The following SYTL3 variants were observed in gnomAD, a reference collection of about 807,000 sequenced individuals.
SYTL3 encodes synaptotagmin-like protein 3.
Under a neutral mutation model 82.1 loss-of-function variants are expected in SYTL3, and 88 were observed. The ratio of observed to expected loss-of-function variants is 1.07; its 90% CI spans 0.90 to 1.28. SYTL3 has a LOEUF of 1.28. Among genes scored for constraint, SYTL3 ranks in the 50% most tolerant of loss-of-function variants. SYTL3 has a pLI of 0.00. For synonymous variants in SYTL3, 311 were observed against 289.4 expected, an observed-to-expected ratio of 1.07 and a Z score of -0.76; for missense variants, 831 against 757.6, an observed-to-expected ratio of 1.10 and a Z score of -1.14.
At position 158,762,200 on chromosome 6, in the gene SYTL3, ATATT is replaced by A. The variant is rs1790068980; in HGVS notation, c.1517+27_1517+30del. On this transcript the variant is annotated intron_variant, in intron 16 of 17. Coordinates refer to ENST00000611299, the MANE Select transcript of SYTL3 (RefSeq NM_001242394.2). ...AGGGGTAGGTATTCGATGTAATCAA[ATATT>A]TATTGGTGATCTAGTATACATCACA... The A allele has an allele frequency of 3.2e-6, 5 of 1,556,578 alleles. No homozygotes were observed. In the Admixed American group the frequency reaches 8.4e-5, roughly 26 times the overall value.
intron 11 of SYTL3, among the ~76,000 whole-genome samples, chr6:158,743,661 G>A (rs988823913): frequency 1.4e-5 from 2 of 141,240 alleles, no homozygotes; most frequent in African/African-American, 5.4e-5. Flanking sequence ...GGCCAGGCTG[G>A]TCTCAAACTC....
chr6:158,745,664 T>C lies in SYTL3; in HGVS notation c.1034+6T>C. 3 of 1,581,244 alleles carry C rather than the reference T, an allele frequency of 1.9e-6. No individual in the cohort carries two copies. The highest frequency in any genetic ancestry group is 2.6e-6 in the Non-Finnish European group (3 of 1,167,648). On this transcript the variant is annotated splice_donor_region_variant and intron_variant, in intron 12 of 17. Coordinates refer to ENST00000611299, the MANE Select transcript of SYTL3 (RefSeq NM_001242394.2). ...AAGAAGAAAAAGTGCAATCCGTAAG[T>C]TGTTTTTTTTAAGTTTAACATGAGA...
At chr6:158,734,784 G>A (rs931223388) in intron 11 of SYTL3, among the ~76,000 whole-genome samples, 18 of 152,062 alleles carry the variant, frequency 1.2e-4, no homozygotes, top group Non-Finnish European at 1.9e-4. Context: ...ACACTTAAAT[G>A]GCCTCAATAA....
chr6:158,700,072 A>G (rs6929876), intron 6 of SYTL3, among the ~76,000 whole-genome samples: 412 of 152,082 alleles, frequency 2.7e-3, no homozygotes, highest in African/African-American at 9.3e-3. Flanking sequence ...CCTGACCAAC[A>G]TGGAGAAACC....
chr6:158,683,439 T>G (rs1277467499), intron 6 of SYTL3, among the ~76,000 whole-genome samples: 1 of 152,102 alleles, frequency 6.6e-6, no homozygotes, highest in Non-Finnish European at 1.5e-5. Flanking sequence ...CAGGATGGTC[T>G]CGATCTCCTG....
chr6:158,763,313 T>G lies in SYTL3; in HGVS notation c.1527T>G (p.Thr509=). The G allele has an allele frequency of 6.2e-7, 1 of 1,614,174 alleles. No homozygotes were observed. Residue 509 remains threonine (T), a synonymous_variant, in exon 17 of 18, where the codon ACT becomes ACG. Coordinates refer to ENST00000611299, the MANE Select transcript of SYTL3 (RefSeq NM_001242394.2). ...TLNSFVKGCL[T]LPDQQKLRLK... ...TGTGTTCCCTCTTCAGCTGTCTCACTCTGCCAGACCAACAAAAACTGAGAC... is the reference window on the plus strand; with the variant it reads ...TGTGTTCCCTCTTCAGCTGTCTCACGCTGCCAGACCAACAAAAACTGAGAC...
intron 10 of SYTL3, among the ~76,000 whole-genome samples, chr6:158,723,023 C>T (rs1784307077): frequency 6.6e-6 from 1 of 151,366 alleles, no homozygotes; most frequent in Admixed American, 6.6e-5. Context: ...GCCTCGGCTT[C>T]CCAAAGTGCC....
At chr6:158,654,998 G>T (rs575558470) in intron 2 of SYTL3, among the ~76,000 whole-genome samples, 2 of 152,140 alleles carry the variant, frequency 1.3e-5, no homozygotes, top group Non-Finnish European at 2.9e-5. Flanking sequence ...TCTAAGCTCC[G>T]AGCAGGTGAG....
At chr6:158,717,938 A>G (rs1229646746) in intron 9 of SYTL3, 149 bp from the exon 10 acceptor site, 1 of 575,696 alleles carries the variant, frequency 1.7e-6, no homozygotes, top group East Asian at 3.4e-5. Context: ...TTGGTGGGGG[A>G]ATGTGCCGCC....
At chr6:158,760,506 C>A (rs1022335797) in intron 14 of SYTL3, 134 bp from the exon 15 acceptor site, 7 of 698,238 alleles carry the variant, frequency 1.0e-5, no homozygotes, top group Non-Finnish European at 1.8e-5. Context: ...CTGCCACGGA[C>A]ACACCTGCTC....
intron 5 of SYTL3, among the ~76,000 whole-genome samples, chr6:158,679,373 G>GAA (rs370424342): frequency 7.0e-6 from 1 of 142,776 alleles, no homozygotes; most frequent in African/African-American, 2.6e-5. Flanking sequence ...CTGTCTCAAA[G>GAA]AAAAAAAAAA....
intron 2 of SYTL3, among the ~76,000 whole-genome samples, chr6:158,657,231 G>C (rs535770617): frequency 3.3e-5 from 5 of 152,064 alleles, no homozygotes; most frequent in Non-Finnish European, 5.9e-5. Context: ...TTCAAGACCA[G>C]TCTGGCCAAC....
At chr6:158,689,979 T>C (rs1192956584) in intron 6 of SYTL3, among the ~76,000 whole-genome samples, 1 of 152,230 alleles carries the variant, frequency 6.6e-6, no homozygotes, top group Non-Finnish European at 1.5e-5. Flanking sequence ...AGGCCCTATC[T>C]AATTTTTTTT....
chr6:158,697,406 A>C (rs977112498), intron 6 of SYTL3, among the ~76,000 whole-genome samples: 1 of 152,018 alleles, frequency 6.6e-6, no homozygotes, highest in Admixed American at 6.6e-5. Flanking sequence ...ACTGCACTCC[A>C]GCCTGGGTGA....
intron 5 of SYTL3, among the ~76,000 whole-genome samples, chr6:158,679,365 G>A (rs1318105798): frequency 1.3e-5 from 2 of 151,080 alleles, no homozygotes; most frequent in African/African-American, 4.9e-5. Flanking sequence ...ATGAGACCCT[G>A]TCTCAAAGAA....
upstream of SYTL3, among the ~76,000 whole-genome samples, chr6:158,645,319 T>C (rs114480233): frequency 9.4e-3 from 1,435 of 152,286 alleles, 25 homozygotes; most frequent in African/African-American, 0.033. Context: ...ACTTCCTGAC[T>C]ACCTTAACCA....
Position 158,757,210 on chromosome 6 carries a change from G to T in SYTL3, c.1138-1G>T, listed in dbSNP as rs1583500515. ...TGACCATCTCTTCCTTGCCTCTGCA[G>T]TATCAGGTGGCCCCTGCCCAGCTGG... On this transcript the variant is annotated splice_acceptor_variant, in intron 13 of 17. Transcript: ENST00000611299. LOFTEE classifies it high-confidence loss of function. 5 of 1,608,830 alleles carry T rather than the reference G, an allele frequency of 3.1e-6. No homozygotes were observed. Among genetic ancestry groups the T allele is most frequent in the Non-Finnish European group, 4.2e-6 (5 of 1,179,728 alleles).
intron 5 of SYTL3, among the ~76,000 whole-genome samples, chr6:158,678,773 C>T (rs1778340322): frequency 3.9e-5 from 6 of 152,044 alleles, no homozygotes; most frequent in Admixed American, 3.9e-4. Context: ...TAGCTTCGGC[C>T]CTCCCCACCA....
chr6:158,730,954 G>A (rs561788690), intron 11 of SYTL3, among the ~76,000 whole-genome samples: 3 of 152,188 alleles, frequency 2.0e-5, no homozygotes, highest in East Asian at 1.9e-4. Context: ...TCCCCATTAG[G>A]GGGGAGATTA....
Sources: allele counts gnomAD v4.1 joint callset (sites outside exome capture counted in the v4.1 genomes callset), GRCh38; gene constraint gnomAD v4.1.1; transcripts MANE v1.5; gene names NCBI Gene and HGNC (gene_info 2026-07-23, HGNC 2026-07-21).